PPP2R2C: variants seen among roughly 807,000 people sequenced by gnomAD.
PPP2R2C encodes the protein protein phosphatase 2 regulatory subunit Bgamma.
A neutral mutation model predicts 45.3 loss-of-function variants in PPP2R2C; 10 were observed. The ratio of observed to expected loss-of-function variants is 0.22; its 90% confidence interval spans 0.14 to 0.37. The LOEUF (loss-of-function observed/expected upper bound fraction) is 0.37. PPP2R2C is among the 10% of genes least tolerant of loss of function. PPP2R2C has a pLI of 1.00. For missense variants in PPP2R2C, 308 were observed against 619.7 expected (o/e 0.50, Z 5.34); for synonymous variants, 257 against 245.4 (o/e 1.05, Z -0.44).
chr4:6,414,371 A>C (rs937817525), intron 1 of PPP2R2C, among the ~76,000 whole-genome samples: 7 of 152,046 alleles, frequency 4.6e-5, no homozygotes, highest in African/African-American at 1.7e-4. Flanking sequence ...CATTCTGTGG[A>C]AACTAACAAA....
chr4:6,426,720 C>T (rs754351819), intron 1 of PPP2R2C, among the ~76,000 whole-genome samples: 11 of 152,246 alleles, frequency 7.2e-5, no homozygotes, highest in East Asian at 3.9e-4. Flanking sequence ...GCCTGGGAAA[C>T]GCAGGCTGGA....
At chr4:6,414,461 G>C (rs138929867) in intron 1 of PPP2R2C, among the ~76,000 whole-genome samples, 2 of 152,264 alleles carry the variant, frequency 1.3e-5, no homozygotes, top group Non-Finnish European at 2.9e-5. Context: ...AGGCTGGCGG[G>C]AGGAGCATCA....
At chr4:6,453,266 G>C (rs1720836611) in intron 1 of PPP2R2C, among the ~76,000 whole-genome samples, 1 of 152,188 alleles carries the variant, frequency 6.6e-6, no homozygotes, top group Admixed American at 6.5e-5. Context: ...ACACAGGATG[G>C]TTGGCCCCAG....
chr4:6,533,307 A>C (rs1724468147), intron 2 of PPP2R2C, among the ~76,000 whole-genome samples: 1 of 152,204 alleles, frequency 6.6e-6, no homozygotes, highest in African/African-American at 2.4e-5. Flanking sequence ...ATCTTTGAAC[A>C]GGATTCTAAA....
chr4:6,346,798 G>A (rs1426735934), intron 6 of PPP2R2C, among the ~76,000 whole-genome samples: 1 of 152,180 alleles, frequency 6.6e-6, no homozygotes, highest in Non-Finnish European at 1.5e-5. Flanking sequence ...GAACAGTGTG[G>A]CCCCATCGCT....
At chr4:6,381,996 C>T (rs922092376) in intron 1 of PPP2R2C, 2 of 1,422,194 alleles carry the variant, frequency 1.4e-6, no homozygotes, top group Admixed American at 6.4e-5. Flanking sequence ...GGACAAGGCC[C>T]TAGCCTGGAA....
At chr4:6,335,985 A>C (rs1364341663) in intron 6 of PPP2R2C, among the ~76,000 whole-genome samples, 1 of 151,390 alleles carries the variant, frequency 6.6e-6, no homozygotes, top group South Asian at 2.1e-4. Context: ...TCAACCCCAC[A>C]CCTCTGCCCT....
chr4:6,555,880 G>A (rs1444716758), intron 1 of PPP2R2C, among the ~76,000 whole-genome samples: 1 of 152,202 alleles, frequency 6.6e-6, no homozygotes, highest in Non-Finnish European at 1.5e-5. Context: ...CCTGATGTTG[G>A]AGACTGGGAC....
intron 1 of PPP2R2C, among the ~76,000 whole-genome samples, chr4:6,386,309 G>A (rs912017924): frequency 7.9e-5 from 12 of 152,294 alleles, no homozygotes; most frequent in African/African-American, 2.6e-4. Context: ...GAGTCTCACT[G>A]GCTTGATAGA....
chr4:6,333,468 G>T, intron 7 of PPP2R2C, 94 bp downstream of exon 7: 1 of 1,430,852 alleles, frequency 7.0e-7, no homozygotes. Flanking sequence ...CCGGGCATAT[G>T]AAAGCCACGC....
chr4:6,482,790 G>T (rs1002082993), intron 2 of PPP2R2C, among the ~76,000 whole-genome samples: 2 of 152,134 alleles, frequency 1.3e-5, no homozygotes, highest in African/African-American at 4.8e-5. Flanking sequence ...AGGTTTCTTT[G>T]TCTTAGTTCT....
chr4:6,360,602 G>A (rs561000914), intron 5 of PPP2R2C, among the ~76,000 whole-genome samples: 4 of 152,324 alleles, frequency 2.6e-5, no homozygotes, highest in South Asian at 4.1e-4. Flanking sequence ...CACCAGGGAC[G>A]CCGGATGCGG....
intron 2 of PPP2R2C, among the ~76,000 whole-genome samples, chr4:6,512,453 T>C (rs1723656754): frequency 7.3e-6 from 1 of 136,914 alleles, no homozygotes; most frequent in Admixed American, 7.1e-5. Flanking sequence ...GCGGTGGTGG[T>C]GGTGGTGGTG....
At chr4:6,346,715 G>A (rs1236095617) in intron 6 of PPP2R2C, among the ~76,000 whole-genome samples, 2 of 152,132 alleles carry the variant, frequency 1.3e-5, no homozygotes, top group Non-Finnish European at 2.9e-5. Context: ...GGTTTTGGTG[G>A]GCCCTGAGCC....
rs573517749 is a variant in PPP2R2C at position 6,372,815 on chromosome 4, TC to T, written c.448-116del. On this transcript the variant is annotated intron_variant, in intron 4 of 8. Transcript: ENST00000382599. ...GCTGGAACACAGGGGTGGGCGTCCATCCTGATCCTCCGTGGTCTGAAATAGG... is the reference window on the plus strand; with the variant it reads ...GCTGGAACACAGGGGTGGGCGTCCATCTGATCCTCCGTGGTCTGAAATAGG... The T allele has an allele frequency of 1.9e-4, 201 of 1,061,318 alleles. 4 individuals are homozygous for T. In the East Asian group the frequency reaches 4.7e-3, roughly 25 times the overall value. The allele number at this position is 1,061,318 out of a possible 1,614,324, so 65.7% of individuals were successfully genotyped here.
chr4:6,401,673 A>G (rs972804458), intron 1 of PPP2R2C, among the ~76,000 whole-genome samples: 17 of 152,080 alleles, frequency 1.1e-4, no homozygotes, highest in African/African-American at 3.9e-4. Context: ...TGTCATCACA[A>G]TTTTATCCAA....
At chr4:6,382,325 T>C in intron 1 of PPP2R2C, 1 of 1,293,132 alleles carries the variant, frequency 7.7e-7, no homozygotes, top group Non-Finnish European at 1.0e-6. Context: ...TGATACCACC[T>C]TTAGCAAAAT....
intron 1 of PPP2R2C, among the ~76,000 whole-genome samples, chr4:6,443,411 C>T (rs976985612): frequency 2.6e-5 from 4 of 152,228 alleles, no homozygotes; most frequent in Non-Finnish European, 5.9e-5. Flanking sequence ...GCCATGCAGA[C>T]GCTGGGTAAA....
At chr4:6,554,979 A>G (rs11726600) in intron 1 of PPP2R2C, among the ~76,000 whole-genome samples, 8,436 of 122,762 alleles carry the variant, frequency 0.069, 388 homozygotes, top group African/African-American at 0.089. Flanking sequence ...GAAAGAAAGA[A>G]AAGAGAAGAG....
Sources: gnomAD v4.1 joint callset for allele counts (sites outside exome capture counted in the v4.1 genomes callset) on GRCh38, gnomAD v4.1.1 for gene constraint, MANE v1.5 for transcripts, NCBI Gene and HGNC (gene_info 2026-07-23, HGNC 2026-07-21) for gene names.